STARD13: variants seen among roughly 807,000 people sequenced by gnomAD.
STARD13 encodes StAR related lipid transfer domain containing 13.
STARD13 carries 62 observed loss-of-function variants against 106.4 expected under a neutral mutation model. The observed-to-expected ratio is 0.58, with a 90% confidence interval of 0.48 to 0.72. The LOEUF (loss-of-function observed/expected upper bound fraction) is 0.72, where lower values mean the gene tolerates loss of function less well. STARD13 is among the 30% of genes least tolerant of loss of function. STARD13 has a pLI of 0.00. For synonymous variants in STARD13, 565 were observed against 553.0 expected (o/e 1.02, Z -0.31); for missense variants, 1,387 against 1,424.0 (o/e 0.97, Z 0.42).
At chr13:33,296,676 T>A (rs1222006734) in intron 1 of STARD13, among the ~76,000 whole-genome samples, 2 of 152,136 alleles carry the variant, frequency 1.3e-5, no homozygotes, top group Non-Finnish European at 2.9e-5. Flanking sequence ...TGGAGTGCAA[T>A]GGTATAATCT....
At chr13:33,264,790 T>C (rs917573793) in intron 1 of STARD13, among the ~76,000 whole-genome samples, 7 of 152,194 alleles carry the variant, frequency 4.6e-5, no homozygotes, top group African/African-American at 1.7e-4. Context: ...AGTTCTTGCA[T>C]GCTGGGAGAA....
the STARD13 span, among the ~76,000 whole-genome samples, chr13:33,569,059 A>G: frequency 6.7e-6 from 1 of 148,242 alleles, no homozygotes; most frequent in Admixed American, 6.9e-5. Flanking sequence ...CTGAGTGCAA[A>G]TAACACCAAG....
chr13:33,587,321 A>G, the STARD13 span, among the ~76,000 whole-genome samples: 1 of 152,120 alleles, frequency 6.6e-6, no homozygotes, highest in African/African-American at 2.4e-5. Context: ...TAGTGGAATT[A>G]TGTAAAGCCC....
intron 1 of STARD13, among the ~76,000 whole-genome samples, chr13:33,290,806 A>G (rs1321423714): frequency 1.3e-5 from 2 of 152,204 alleles, no homozygotes; most frequent in Non-Finnish European, 2.9e-5. Flanking sequence ...CTCCAGCCAA[A>G]CCAGAATTCT....
chr13:33,439,685 A>G, the STARD13 span: 1 of 1,262,412 alleles, frequency 7.9e-7, no homozygotes, highest in East Asian at 5.6e-5. Context: ...TCTCAGGGAG[A>G]CTTACCCACT....
chr13:33,213,819 C>G (rs546092769), intron 1 of STARD13, among the ~76,000 whole-genome samples: 1 of 152,316 alleles, frequency 6.6e-6, no homozygotes, highest in South Asian at 2.1e-4. Flanking sequence ...TTTAAATTTT[C>G]AATGGTGGTA....
At chr13:33,479,457 CCT>C in the STARD13 span, among the ~76,000 whole-genome samples, 1 of 152,086 alleles carries the variant, frequency 6.6e-6, no homozygotes, top group African/African-American at 2.4e-5. Context: ...AAACAAAAGA[CCT>C]AAAAGAGTCA....
chr13:33,666,324 C>T, the STARD13 span, among the ~76,000 whole-genome samples: 2 of 152,134 alleles, frequency 1.3e-5, no homozygotes, highest in African/African-American at 2.4e-5. Context: ...GAGAGAGTCT[C>T]GCTCTGTCCC....
At chr13:33,633,996 G>C in the STARD13 span, among the ~76,000 whole-genome samples, 1 of 152,154 alleles carries the variant, frequency 6.6e-6, no homozygotes, top group Admixed American at 6.5e-5. Context: ...TCATCAGACA[G>C]TCTAGACACT....
At chr13:33,138,020 C>A (rs1453406980) in intron 4 of STARD13, among the ~76,000 whole-genome samples, 1 of 152,184 alleles carries the variant, frequency 6.6e-6, no homozygotes, top group African/African-American at 2.4e-5. Flanking sequence ...TGCAAGGTGG[C>A]AATTAGTCAT....
intron 12 of STARD13, among the ~76,000 whole-genome samples, chr13:33,107,489 G>C (rs1873933012): frequency 6.6e-6 from 1 of 152,162 alleles, no homozygotes; most frequent in Admixed American, 6.5e-5. Flanking sequence ...TCCTGGAGGA[G>C]GGCATGCTCA....
the STARD13 span, among the ~76,000 whole-genome samples, chr13:33,641,127 T>C: frequency 6.6e-6 from 1 of 152,256 alleles, no homozygotes; most frequent in Non-Finnish European, 1.5e-5. Context: ...GTCTAGATCC[T>C]GCTTGGCCTC....
intron 1 of STARD13, among the ~76,000 whole-genome samples, chr13:33,203,036 T>C (rs905087903): frequency 2.6e-5 from 4 of 152,240 alleles, no homozygotes; most frequent in Non-Finnish European, 1.5e-5. Flanking sequence ...CTGAAAGTTT[T>C]CAAAGCATTT....
chr13:33,131,731 G>T (rs1339421708), intron 4 of STARD13, among the ~76,000 whole-genome samples: 1 of 152,082 alleles, frequency 6.6e-6, no homozygotes, highest in Non-Finnish European at 1.5e-5. Flanking sequence ...CTCTACCTGG[G>T]TGTTCAGTTT....
chr13:33,167,016 A>C (rs1164273596), intron 2 of STARD13, among the ~76,000 whole-genome samples: 1 of 139,504 alleles, frequency 7.2e-6, no homozygotes, highest in African/African-American at 2.9e-5. Context: ...AAAAAAAACC[A>C]AAAAAAAATC....
At chr13:33,241,666 C>CA (rs1889508909) in intron 1 of STARD13, among the ~76,000 whole-genome samples, 1 of 151,906 alleles carries the variant, frequency 6.6e-6, no homozygotes, top group Non-Finnish European at 1.5e-5. Context: ...TCAGCCTGCC[C>CA]AATGCCTGGG....
At position 33,129,639 on chromosome 13, in the gene STARD13, G is replaced by A. The variant is rs1480518211; in HGVS notation, c.1038C>T (p.Pro346=). 1.9e-6 allele frequency: 3 copies of A among 1,613,956 alleles called. No homozygotes were observed. The highest frequency in any genetic ancestry group is 1.1e-5 in the South Asian group (1 of 91,088). ...CGTGGCACTTGCGTTCCTTCAGGCA[G>A]GGCGTGCTCACCCCGCTGCTGCTGT... ...SEHSSSGVST[P]CLKERKCHEA... Residue 346 remains proline, a synonymous_variant, in exon 5 of 14, where the codon CCC becomes CCT. Transcript: ENST00000336934.
the STARD13 span, among the ~76,000 whole-genome samples, chr13:33,525,448 A>G: frequency 6.6e-6 from 1 of 152,160 alleles, no homozygotes; most frequent in African/African-American, 2.4e-5. Flanking sequence ...GTGGAGAACA[A>G]TTTATAAGAT....
rs562035612 is a variant in STARD13, at chr13:33,175,855, TC to T, written c.170-8234del. ...CTCCTCCTGTATCTTTTCAGACATTTCTGAATGTCTATGCTTGTAAGAGGTT... is the reference window on the plus strand; with the variant it reads ...CTCCTCCTGTATCTTTTCAGACATTTTGAATGTCTATGCTTGTAAGAGGTT... On this transcript the variant is annotated intron_variant, in intron 1 of 13. Transcript: ENST00000336934. 2.8e-3 allele frequency among the ~76,000 whole-genome samples: 433 copies of T among 152,354 alleles called. 3 individuals are homozygous for T. The highest frequency in any genetic ancestry group is 6.6e-3 in the South Asian group (32 of 4,834).
Sources: gnomAD v4.1 joint callset for allele counts (sites outside exome capture counted in the v4.1 genomes callset) on GRCh38, gnomAD v4.1.1 for gene constraint, MANE v1.5 for transcripts, NCBI Gene and HGNC (gene_info 2026-07-23, HGNC 2026-07-21) for gene names.